Variants in DNAJC27 observed in about 807,000 individuals in gnomAD.
The protein encoded by DNAJC27 is dnaJ homolog subfamily C member 27.
In DNAJC27, 25 loss-of-function variants were observed where a neutral mutation model predicts 31.4. The ratio of observed to expected loss-of-function variants is 0.80; its 90% confidence interval spans 0.58 to 1.11. DNAJC27 has a LOEUF of 1.11. Ranked by LOEUF, DNAJC27 falls within the 50% of genes most tolerant of loss-of-function variation. The pLI is 0.00. For missense variants in DNAJC27, 356 were observed against 347.3 expected, an observed-to-expected ratio of 1.02 and a Z score of -0.20; for synonymous variants, 106 against 112.7, an observed-to-expected ratio of 0.94 and a Z score of 0.37.
At chr2:24,955,517 C>CA (rs1218636984) in intron 5 of DNAJC27, among the ~76,000 whole-genome samples, 1 of 152,074 alleles carries the variant, frequency 6.6e-6, no homozygotes, top group Non-Finnish European at 1.5e-5. Flanking sequence ...AAAACAAAAA[C>CA]AAAACAGAAA....
Position 24,963,625 on chromosome 2 carries a change from A to G in DNAJC27, c.171-151T>C, listed in dbSNP as rs546720430. 39 of 586,808 alleles carry G rather than the reference A, an allele frequency of 6.6e-5. No homozygotes were observed. The African/African-American group carries it at 6.9e-4, about 10-fold the overall frequency. 36.4% of individuals were successfully genotyped at this position (586,808 alleles called of 1,614,324 possible). A position where few individuals can be genotyped will look rare whatever the true frequency, so the allele number is the denominator to read the frequency against. On this transcript the variant is annotated intron_variant, in intron 2 of 6. Coordinates refer to ENST00000264711, the MANE Select transcript of DNAJC27 (RefSeq NM_016544.3). ...CATTCCAGATCATCTTTACAATAGC[A>G]GTCAGCAACCTGACAGATGATCCTG...
chr2:24,969,326 T>A (rs1666267268), intron 1 of DNAJC27: 1 of 158,708 alleles, frequency 6.3e-6, no homozygotes, highest in Non-Finnish European at 1.4e-5. Context: ...TAGTTTCCTA[T>A]TTGTAAGATG....
intron 3 of DNAJC27, among the ~76,000 whole-genome samples, chr2:24,961,765 G>A (rs1353520063): frequency 2.6e-5 from 4 of 152,124 alleles, no homozygotes; most frequent in African/African-American, 9.7e-5. Flanking sequence ...GCAGTCTCAC[G>A]ATAAAAAATA....
Position 24,947,715 on chromosome 2 carries a change from A to C in DNAJC27, c.723T>G (p.Ala241=). The C allele has an allele frequency of 6.2e-7, 1 of 1,613,744 alleles. No individual in the cohort carries two copies. The highest frequency in any genetic ancestry group is 8.5e-7 in the Non-Finnish European group (1 of 1,179,608). ...CACATTTGTCAGGGTGAAGAAGCACAGCAAGTTTCCGATACGCTTTATTGA... is the reference window on the plus strand; with the variant it reads ...CACATTTGTCAGGGTGAAGAAGCACCGCAAGTTTCCGATACGCTTTATTGA... The part of the protein sequence containing the change: ...DEVNKAYRKL[A]VLLHPDKCVA... The change falls in exon 7 of 7, where the codon GCT becomes GCG. Residue 241 remains alanine (A), a synonymous_variant. Coordinates refer to ENST00000264711, the MANE Select transcript of DNAJC27 (RefSeq NM_016544.3).
In DNAJC27 at chr2:24,963,458, T is replaced by G. The variant is rs1666099509; in HGVS notation, c.187A>C (p.Arg63=). The change falls in exon 3 of 7, where the codon AGA becomes CGA. Residue 63 remains arginine, a synonymous_variant. Transcript: ENST00000264711. ...YGVTKVHVRD[R]EIKVNIFDMA... ...TCAAAGATGTTAACTTTGATTTCTC[T>G]GTCTCTGACGTGTACCCTGAAATGT... 1 of 1,613,722 alleles carries G rather than the reference T, an allele frequency of 6.2e-7. No homozygotes were observed. Among genetic ancestry groups the G allele is most frequent in the Admixed American group, 1.7e-5 (1 of 60,008 alleles).
rs896552843 is a variant in DNAJC27, at chr2:24,958,617, A to G, written c.241-643T>C. 11 of 389,404 alleles carry G rather than the reference A, an allele frequency of 2.8e-5. No individual in the cohort carries two copies. The Admixed American group carries it at 3.0e-4, about 11-fold the overall frequency. 24.1% of individuals were successfully genotyped at this position (389,404 alleles called of 1,614,324 possible). A position where few individuals can be genotyped will look rare whatever the true frequency, so the allele number is the denominator to read the frequency against. ...GTTTCCTCATCTGTAAAATGGGGAT[A>G]ATACTACTTACTTCACAGGGTTATT... On this transcript the variant is annotated intron_variant, in intron 3 of 6. Coordinates refer to ENST00000264711, the MANE Select transcript of DNAJC27 (RefSeq NM_016544.3).
chr2:24,963,318 C>A (rs898219519), intron 3 of DNAJC27, 87 bp downstream of exon 3: 5 of 1,055,462 alleles, frequency 4.7e-6, no homozygotes, highest in Non-Finnish European at 7.1e-6. Flanking sequence ...CACATGATAT[C>A]AATATTGGTT....
At chr2:24,967,804 G>C (rs1212223952) in intron 1 of DNAJC27, among the ~76,000 whole-genome samples, 1 of 151,896 alleles carries the variant, frequency 6.6e-6, no homozygotes, top group Non-Finnish European at 1.5e-5. Flanking sequence ...ATATGCATAT[G>C]TTTTCAGTTG....
intron 6 of DNAJC27, among the ~76,000 whole-genome samples, chr2:24,950,886 C>T (rs1276841460): frequency 6.6e-6 from 1 of 151,790 alleles, no homozygotes; most frequent in African/African-American, 2.4e-5. Flanking sequence ...CAAATACACA[C>T]ACAGATGAGG....
intron 2 of DNAJC27, among the ~76,000 whole-genome samples, chr2:24,964,421 CAAA>C (rs771037919): frequency 6.7e-5 from 5 of 74,752 alleles, no homozygotes; most frequent in Admixed American, 1.5e-4. Context: ...GACTCCGTCT[CAAA>C]AAAAAAAAAA....
intron 5 of DNAJC27, among the ~76,000 whole-genome samples, chr2:24,954,026 C>T (rs1032036353): frequency 2.6e-5 from 4 of 152,138 alleles, no homozygotes; most frequent in African/African-American, 9.7e-5. Flanking sequence ...AGTCCATTTC[C>T]TGACCACATC....
intron 1 of DNAJC27, among the ~76,000 whole-genome samples, chr2:24,968,567 G>A (rs1666246854): frequency 6.6e-6 from 1 of 151,206 alleles, no homozygotes; most frequent in Non-Finnish European, 1.5e-5. Context: ...GGATGGTCTC[G>A]ATCTGACCCC....
At chr2:24,968,428 C>T (rs1433411597) in intron 1 of DNAJC27, among the ~76,000 whole-genome samples, 1 of 151,962 alleles carries the variant, frequency 6.6e-6, no homozygotes, top group African/African-American at 2.4e-5. Flanking sequence ...ACTTTTACAA[C>T]TAAGGCAAAA....
chr2:24,962,342 C>A (rs1053495457), intron 3 of DNAJC27, among the ~76,000 whole-genome samples: 2 of 151,924 alleles, frequency 1.3e-5, no homozygotes, highest in African/African-American at 4.8e-5. Context: ...ATCCCTGCAA[C>A]CTCCGCCTGT....
At chr2:24,965,602 G>A (rs983117435) in intron 2 of DNAJC27, among the ~76,000 whole-genome samples, 1 of 152,164 alleles carries the variant, frequency 6.6e-6, no homozygotes, top group Non-Finnish European at 1.5e-5. Context: ...TCACTGCCAA[G>A]AGCTACAATT....
At chr2:24,968,408 AGTAT>A (rs1010618226) in intron 1 of DNAJC27, among the ~76,000 whole-genome samples, 4 of 152,172 alleles carry the variant, frequency 2.6e-5, no homozygotes, top group African/African-American at 9.7e-5. Flanking sequence ...CTTTAAAATG[AGTAT>A]GTGTTACTTT....
chr2:24,970,495 C>G (rs1666303037), intron 1 of DNAJC27, among the ~76,000 whole-genome samples: 1 of 139,378 alleles, frequency 7.2e-6, no homozygotes, highest in Non-Finnish European at 1.5e-5. Flanking sequence ...GACGGCGTCT[C>G]ACTCTGCCGC....
chr2:24,961,483 CA>C (rs1666039078), intron 3 of DNAJC27, among the ~76,000 whole-genome samples: 2 of 151,998 alleles, frequency 1.3e-5, no homozygotes, highest in Non-Finnish European at 2.9e-5. Context: ...ATACATTTTG[CA>C]AGGCTACAGC....
intron 5 of DNAJC27, 42 bp downstream of exon 5, chr2:24,957,001 T>C (rs200746819): frequency 9.5e-6 from 15 of 1,576,892 alleles, no homozygotes; most frequent in African/African-American, 4.1e-5. Context: ...ATTGGCACAG[T>C]GGCCTTGACA....
Sources: gnomAD v4.1 joint callset for allele counts (sites outside exome capture counted in the v4.1 genomes callset) on GRCh38, gnomAD v4.1.1 for gene constraint, MANE v1.5 for transcripts, NCBI Gene and HGNC (gene_info 2026-07-23, HGNC 2026-07-21) for gene names.